The following SPOCK1 variants were observed in gnomAD, a reference collection of about 807,000 sequenced individuals.
SPOCK1 encodes the protein testican-1.
SPOCK1 carries 23 observed loss-of-function variants against 55.3 expected under a neutral mutation model. That is an observed-to-expected ratio of 0.42 (90% confidence interval 0.30 to 0.59). SPOCK1 has a LOEUF of 0.59. Ranked by LOEUF, SPOCK1 falls within the 20% of genes least tolerant of loss-of-function variation. The probability of loss-of-function intolerance (pLI) is 0.22; values close to 1 mark genes in which losing one functional copy is unlikely to be tolerated. For synonymous variants in SPOCK1, 226 were observed against 221.0 expected, an observed-to-expected ratio of 1.02 and a Z score of -0.20; for missense variants, 499 against 552.5, an observed-to-expected ratio of 0.90 and a Z score of 0.97.
chr5:137,191,736 C>G (rs1413171622), intron 3 of SPOCK1, among the ~76,000 whole-genome samples: 1 of 152,126 alleles, frequency 6.6e-6, no homozygotes, highest in Non-Finnish European at 1.5e-5. Context: ...ACCTTCACTG[C>G]CTTTGGCCAA....
chr5:137,324,981 G>A (rs1758051542), intron 2 of SPOCK1, among the ~76,000 whole-genome samples: 1 of 151,106 alleles, frequency 6.6e-6, no homozygotes, highest in South Asian at 2.1e-4. Flanking sequence ...AAAAATGAGG[G>A]GTTTGCACTT....
In SPOCK1 at chr5:137,104,300, C is replaced by T. The variant is rs140739584; in HGVS notation, c.474+8135G>A. ...GCCATGTAAGATGGGCCTGCTTCCA[C>T]TTCAACTTCCACCATGATTATAAAT... On this transcript the variant is annotated intron_variant, in intron 5 of 10. Coordinates refer to ENST00000394945, the MANE Select transcript of SPOCK1 (RefSeq NM_004598.4). Among the ~76,000 whole-genome samples, 946 of 152,292 alleles carry T rather than the reference C, an allele frequency of 6.2e-3. 8 individuals carry two copies. Among genetic ancestry groups the T allele is most frequent in the African/African-American group, 0.021 (859 of 41,552 alleles).
At chr5:137,353,729 C>T (rs1750730603) in intron 2 of SPOCK1, among the ~76,000 whole-genome samples, 1 of 152,182 alleles carries the variant, frequency 6.6e-6, no homozygotes, top group Admixed American at 6.5e-5. Flanking sequence ...TCTCAGAACA[C>T]AGCTAGCACA....
At chr5:137,117,389 A>C (rs2966736) in intron 4 of SPOCK1, among the ~76,000 whole-genome samples, 136,570 of 152,284 alleles carry the variant, frequency 0.9, 61,311 homozygotes, top group African/African-American at 0.93. Context: ...TTGTTTATTC[A>C]AGCATTATAA....
At chr5:137,212,963 G>A (rs967079133) in intron 3 of SPOCK1, among the ~76,000 whole-genome samples, 2 of 152,182 alleles carry the variant, frequency 1.3e-5, no homozygotes, top group African/African-American at 4.8e-5. Flanking sequence ...GGGGGCAGGT[G>A]CTCAGCCAGG....
intron 3 of SPOCK1, among the ~76,000 whole-genome samples, chr5:137,160,525 TATATAAAAATATATAA>T: frequency 1.3e-5 from 1 of 74,690 alleles, no homozygotes; most frequent in Admixed American, 2.2e-4. Flanking sequence ...ATATATATAA[TATATAAAAATATATAA>T]TATATATAAT....
At chr5:137,449,319 C>T (rs1213955076) in intron 2 of SPOCK1, among the ~76,000 whole-genome samples, 1 of 152,222 alleles carries the variant, frequency 6.6e-6, no homozygotes, top group African/African-American at 2.4e-5. Flanking sequence ...ATAACTTTGA[C>T]TCAAAAACAT....
At chr5:137,472,350 A>C (rs1362325798) in intron 2 of SPOCK1, among the ~76,000 whole-genome samples, 1 of 152,182 alleles carries the variant, frequency 6.6e-6, no homozygotes, top group Non-Finnish European at 1.5e-5. Context: ...AAGGGGGCTC[A>C]AACCTTAAAA....
At chr5:137,156,942 C>T (rs939046273) in intron 3 of SPOCK1, among the ~76,000 whole-genome samples, 1 of 152,072 alleles carries the variant, frequency 6.6e-6, no homozygotes. Context: ...AAGGTGTTAG[C>T]AGTAAGAAAT....
chr5:137,066,199 C>T (rs914614033), intron 6 of SPOCK1, among the ~76,000 whole-genome samples: 4 of 152,226 alleles, frequency 2.6e-5, no homozygotes, highest in African/African-American at 7.2e-5. Flanking sequence ...AGTACAGTGG[C>T]GCAATCTTGA....
At chr5:137,437,614 A>G (rs1452586811) in intron 2 of SPOCK1, among the ~76,000 whole-genome samples, 1 of 152,232 alleles carries the variant, frequency 6.6e-6, no homozygotes, top group Non-Finnish European at 1.5e-5. Context: ...TAATTGATGT[A>G]TAATAAATGT....
intron 4 of SPOCK1, among the ~76,000 whole-genome samples, chr5:137,117,786 G>C (rs1753616430): frequency 6.6e-6 from 1 of 152,032 alleles, no homozygotes; most frequent in Non-Finnish European, 1.5e-5. Context: ...GGTGGAGGGA[G>C]CTCCCCTGTG....
chr5:137,252,609 TG>T (rs1756557121), intron 3 of SPOCK1, among the ~76,000 whole-genome samples: 1 of 152,224 alleles, frequency 6.6e-6, no homozygotes, highest in South Asian at 2.1e-4. Flanking sequence ...GCCAGCTCAT[TG>T]TTGACCAGAT....
intron 2 of SPOCK1, among the ~76,000 whole-genome samples, chr5:137,485,083 G>A (rs1357309715): frequency 6.6e-6 from 1 of 152,082 alleles, no homozygotes; most frequent in Non-Finnish European, 1.5e-5. Context: ...ATTTTGGAGG[G>A]AATAATTTAT....
intron 5 of SPOCK1, among the ~76,000 whole-genome samples, chr5:137,095,818 T>C (rs1483957629): frequency 6.6e-6 from 1 of 152,200 alleles, no homozygotes; most frequent in Non-Finnish European, 1.5e-5. Flanking sequence ...GTGACTGAAA[T>C]AGCAGGTCAA....
At chr5:136,991,386 T>C (rs1750944771) in intron 7 of SPOCK1, among the ~76,000 whole-genome samples, 1 of 151,982 alleles carries the variant, frequency 6.6e-6, no homozygotes, top group Non-Finnish European at 1.5e-5. Context: ...GTCCCCTGGA[T>C]TGATGTTCTC....
At chr5:137,418,201 T>C (rs1752390134) in intron 2 of SPOCK1, among the ~76,000 whole-genome samples, 1 of 152,124 alleles carries the variant, frequency 6.6e-6, no homozygotes, top group South Asian at 2.1e-4. Context: ...ATCCAGTCTA[T>C]CATTGATGGA....
intron 2 of SPOCK1, among the ~76,000 whole-genome samples, chr5:137,321,736 G>A (rs2127147124): frequency 6.6e-6 from 1 of 152,182 alleles, no homozygotes; most frequent in East Asian, 1.9e-4. Context: ...AAATTAGCCA[G>A]GCATGGTAGC....
At chr5:137,368,647 C>T (rs925363936) in intron 2 of SPOCK1, among the ~76,000 whole-genome samples, 9 of 152,126 alleles carry the variant, frequency 5.9e-5, no homozygotes, top group African/African-American at 2.2e-4. Flanking sequence ...GGTTTAGAAC[C>T]CCTGTCATTA....
Sources: allele counts gnomAD v4.1 joint callset (sites outside exome capture counted in the v4.1 genomes callset), GRCh38; gene constraint gnomAD v4.1.1; transcripts MANE v1.5; gene names NCBI Gene and HGNC (gene_info 2026-07-23, HGNC 2026-07-21).